The following TMEM8B variants were observed in gnomAD, a reference collection of about 807,000 sequenced individuals.
TMEM8B encodes the protein nasopharyngeal carcinoma expressed 6.
A neutral mutation model predicts 49.3 loss-of-function variants in TMEM8B; 29 were observed. The observed-to-expected ratio is 0.59, with a 90% CI of 0.44 to 0.80. The LOEUF (loss-of-function observed/expected upper bound fraction) is 0.80. Among genes scored for constraint, TMEM8B ranks in the 30% least tolerant of loss-of-function variants. TMEM8B has a pLI of 0.00. For synonymous variants in TMEM8B, 264 were observed against 272.8 expected (o/e 0.97, Z 0.32); for missense variants, 575 against 658.5 (o/e 0.87, Z 1.39).
At position 35,846,524 on chromosome 9, in the gene TMEM8B, C is replaced by T; in HGVS notation, c.1909C>T (p.Pro637Ser). The T allele has an allele frequency of 6.3e-7, 1 of 1,589,452 alleles. No individual in the cohort carries two copies. Among genetic ancestry groups the T allele is most frequent in the Non-Finnish European group, 8.6e-7 (1 of 1,167,924 alleles). ...GGTGCGGATGCGCACCTTCCTGTCC[C>T]CATGCGTGGACGACTGCGGGCCCTA... ...AEVRMRTFLS[P>S]CVDDCGPYGQ... The change falls in exon 9 of 13, where the codon CCA becomes TCA. Residue 637 changes from proline to serine, a missense_variant. By Grantham distance (74) the Pro-to-Ser change is moderately conservative (BLOSUM62 -1). Coordinates refer to ENST00000643932, the MANE Select transcript of TMEM8B (RefSeq NM_001042590.4).
chr9:35,849,090 T>C (rs540260347), intron 10 of TMEM8B, among the ~76,000 whole-genome samples: 1 of 152,180 alleles, frequency 6.6e-6, no homozygotes, highest in African/African-American at 2.4e-5. Context: ...TAAAACTATG[T>C]TTTCTGTTTT....
chr9:35,853,238 G>T lies in TMEM8B; in HGVS notation c.2420G>T (p.Gly807Val), dbSNP rs753639658. Residue 807 changes from glycine to valine, a missense_variant, in exon 12 of 13, where the codon GGG (glycine) becomes GTG (valine). Transcript: ENST00000643932. The surrounding 1 kb of genome is among the most constrained non-coding windows in gnomAD (Gnocchi z 4.2). ...CTTGGACCCAGTCTCTTCGCCCTGGGGATCTTGGCCACAGCCTGGGTAAGG... is the reference window on the plus strand; with the variant it reads ...CTTGGACCCAGTCTCTTCGCCCTGGTGATCTTGGCCACAGCCTGGGTAAGG... Reference protein sequence around the residue: ...NLLGPSLFALGILATAWTVRS... With the variant: ...NLLGPSLFALVILATAWTVRS... The T allele has an allele frequency of 2.5e-6, 4 of 1,614,080 alleles. No homozygotes were observed. Among genetic ancestry groups the T allele is most frequent in the Non-Finnish European group, 3.4e-6 (4 of 1,179,960 alleles).
rs1832295860 is a variant in TMEM8B, at chr9:35,853,051, A to G, written c.2322+78A>G. ...CCACTCCTGACCTCTCCCTGGGGGC[A>G]TTTCCAAGTGCCTCTCATGATTCTG... is the stretch of plus-strand genomic sequence containing the variant. On this transcript the variant is annotated intron_variant, in intron 11 of 12. Coordinates refer to ENST00000643932, the MANE Select transcript of TMEM8B (RefSeq NM_001042590.4). The surrounding 1 kb of genome is among the most constrained non-coding windows in gnomAD (Gnocchi z 4.2). The G allele has an allele frequency of 2.7e-5, 43 of 1,609,642 alleles. No homozygotes were observed. Among genetic ancestry groups the G allele is most frequent in the Non-Finnish European group, 3.5e-5 (41 of 1,176,682 alleles).
At chr9:35,846,214 C>G (rs189867687) in intron 7 of TMEM8B, 44 bp from the exon 8 acceptor site, 58 of 1,611,806 alleles carry the variant, frequency 3.6e-5, no homozygotes, top group Admixed American at 2.0e-4. Context: ...TTCTTGGGTT[C>G]TGACCCCTCC....
Position 35,853,358 on chromosome 9 carries a change from C to A in TMEM8B, c.2439+101C>A. ...TTTAAGGTGGGCTTGGCTCTGTCGTCATCACCTGCTGCTGGCAGTGTCCGC... is the reference window on the plus strand; with the variant it reads ...TTTAAGGTGGGCTTGGCTCTGTCGTAATCACCTGCTGCTGGCAGTGTCCGC... On this transcript the variant is annotated intron_variant, in intron 12 of 12. Transcript: ENST00000643932. The surrounding 1 kb of genome is among the most constrained non-coding windows in gnomAD (Gnocchi z 4.2). The A allele has an allele frequency of 6.9e-7, 1 of 1,445,800 alleles. No homozygotes were observed. Among genetic ancestry groups the A allele is most frequent in the African/African-American group, 1.4e-5 (1 of 71,498 alleles). 89.6% of individuals were successfully genotyped at this position (1,445,800 alleles called of 1,614,324 possible).
chr9:35,851,084 G>A (rs903412450), intron 10 of TMEM8B, among the ~76,000 whole-genome samples: 1 of 152,138 alleles, frequency 6.6e-6, no homozygotes, highest in African/African-American at 2.4e-5. Context: ...TCTCTTAGGT[G>A]TATTCAAACA....
Position 35,835,084 on chromosome 9 carries a change from G to A in TMEM8B, c.772G>A (p.Gly258Arg), listed in dbSNP as rs1363640715. The change falls in exon 3 of 13, where the codon GGG becomes AGG. Residue 258 changes from glycine to arginine, a missense_variant. By Grantham distance (125) the Gly-to-Arg change is moderately radical (BLOSUM62 -2). Coordinates refer to ENST00000643932, the MANE Select transcript of TMEM8B (RefSeq NM_001042590.4). Reference protein sequence around the residue: ...THFPGDTAVPGVFSLTLSWTL... With the variant: ...THFPGDTAVPRVFSLTLSWTL... ...CTTCCCAGGGGACACAGCTGTGCCT[G>A]GGGTTTTCTCACTGACCCTCAGCTG... 2.4e-6 allele frequency: 1 copy of A among 415,640 alleles called. No individual in the cohort carries two copies. Among genetic ancestry groups the A allele is most frequent in the Non-Finnish European group, 4.4e-6 (1 of 226,420 alleles). 25.7% of individuals were successfully genotyped at this position (415,640 alleles called of 1,614,324 possible). A position where few individuals can be genotyped will look rare whatever the true frequency, so the allele number is the denominator to read the frequency against.
In TMEM8B at chr9:35,853,900, G is replaced by A. The variant is rs1832389174; in HGVS notation, c.*60G>A. On this transcript the variant is annotated 3_prime_UTR_variant, in exon 13 of 13. Coordinates refer to ENST00000643932, the MANE Select transcript of TMEM8B (RefSeq NM_001042590.4). This position sits in a 1 kb window ranked among gnomAD's most constrained non-coding sequence, Gnocchi z 4.2. ...ATGCTTCCTAGAGTTCTTTCTGGGG[G>A]TGTGGAGCCCTCTTAGAAGGAGACA... 1.3e-6 allele frequency: 2 copies of A among 1,485,850 alleles called. No homozygotes were observed. The highest frequency in any genetic ancestry group is 1.8e-6 in the Non-Finnish European group (2 of 1,123,992). The allele number at this position is 1,485,850 out of a possible 1,614,324, so 92.0% of individuals were successfully genotyped here. A position where few individuals can be genotyped will look rare whatever the true frequency, so the allele number is the denominator to read the frequency against.
At chr9:35,839,539 G>A (rs1830764620) in intron 3 of TMEM8B, among the ~76,000 whole-genome samples, 1 of 152,236 alleles carries the variant, frequency 6.6e-6, no homozygotes, top group Non-Finnish European at 1.5e-5. Context: ...TTGAAGGAAG[G>A]AGCACGTCTT....
chr9:35,835,241 C>T lies in TMEM8B; in HGVS notation c.906+23C>T, dbSNP rs554894300. 13 of 415,258 alleles carry T rather than the reference C, an allele frequency of 3.1e-5. No individual in the cohort carries two copies. The South Asian group carries it at 3.8e-4, about 12-fold the overall frequency. 25.7% of individuals were successfully genotyped at this position (415,258 alleles called of 1,614,324 possible). A position where few individuals can be genotyped will look rare whatever the true frequency, so the allele number is the denominator to read the frequency against. On this transcript the variant is annotated intron_variant, in intron 3 of 12. Transcript: ENST00000643932. ...AAGGTGGGTTGATGTTGCCCAGGCT[C>T]GGGGGTCCAGAACTGCCCTTCCATC...
intron 10 of TMEM8B, among the ~76,000 whole-genome samples, chr9:35,850,143 A>G (rs1008959161): frequency 3.9e-5 from 6 of 152,234 alleles, no homozygotes; most frequent in Admixed American, 6.5e-5. Context: ...TTATATTCCA[A>G]TCTGGGCATG....
Position 35,846,328 on chromosome 9 carries a change from G to T in TMEM8B, c.1800G>T (p.Pro600=). Residue 600 remains proline (P), a synonymous_variant, in exon 8 of 13, where the codon CCG becomes CCT. Coordinates refer to ENST00000643932, the MANE Select transcript of TMEM8B (RefSeq NM_001042590.4). ...TTGCCAGGCTGCGAATCCCATTCCC[G>T]CAGACGGGGACCTGGTTCCTGGCCC... ...TRVARLRIPF[P]QTGTWFLALR... 3 of 1,614,134 alleles carry T rather than the reference G, an allele frequency of 1.9e-6. No individual in the cohort carries two copies. Among genetic ancestry groups the T allele is most frequent in the Non-Finnish European group, 1.7e-6 (2 of 1,180,044 alleles).
chr9:35,829,310 T>G lies in TMEM8B; in HGVS notation c.-138T>G. The G allele has an allele frequency of 2.7e-6, 1 of 366,822 alleles. No individual in the cohort carries two copies. Among genetic ancestry groups the G allele is most frequent in the Non-Finnish European group, 4.9e-6 (1 of 205,372 alleles). 22.7% of individuals were successfully genotyped at this position (366,822 alleles called of 1,614,324 possible). On this transcript the variant is annotated 5_prime_UTR_variant, in exon 1 of 13. Transcript: ENST00000643932. The stretch of plus-strand genomic sequence containing the variant: ...AGCCCGGAGTCGCCCAGGCCTGAAC[T>G]CCTACCCAGGTCCCCGGCCCCCGCC...
intron 6 of TMEM8B, chr9:35,845,572 GGGTCCA>G: frequency 3.0e-6 from 3 of 985,372 alleles, no homozygotes; most frequent in Non-Finnish European, 3.6e-6. Flanking sequence ...ACCTGTCTTG[GGGTCCA>G]GGTGAAGATG....
Position 35,829,607 on chromosome 9 carries a change from C to T in TMEM8B, c.160C>T (p.Pro54Ser). The change falls in exon 1 of 13, where the codon CCT (proline) becomes TCT (serine). Residue 54 changes from proline to serine, a missense_variant. By Grantham distance (74) the Pro-to-Ser change is moderately conservative. Coordinates refer to ENST00000643932, the MANE Select transcript of TMEM8B (RefSeq NM_001042590.4). The stretch of plus-strand genomic sequence containing the variant: ...GCCCCTGGCCTGGCCCCCATCCCGG[C>T]CTCGGCCCTCGTTCCACCCCCTGTC... ...SLPLAWPPSR[P>S]RPSFHPLSQI... The T allele has an allele frequency of 2.5e-6, 1 of 399,826 alleles. No individual in the cohort carries two copies. The allele number at this position is 399,826 out of a possible 1,614,324, so 24.8% of individuals were successfully genotyped here.
intron 3 of TMEM8B, among the ~76,000 whole-genome samples, chr9:35,839,878 G>A (rs1291894924): frequency 6.6e-6 from 1 of 152,244 alleles, no homozygotes; most frequent in Non-Finnish European, 1.5e-5. Flanking sequence ...AGCACCTAGT[G>A]TGTGCCAGGT....
intron 1 of TMEM8B, among the ~76,000 whole-genome samples, chr9:35,831,712 C>T (rs1199464207): frequency 6.6e-6 from 1 of 152,258 alleles, no homozygotes; most frequent in African/African-American, 2.4e-5. Context: ...AGAGCATATA[C>T]AGCTGAAAGT....
chr9:35,831,673 GT>G (rs1564015451), intron 1 of TMEM8B, among the ~76,000 whole-genome samples: 1 of 152,226 alleles, frequency 6.6e-6, no homozygotes, highest in Non-Finnish European at 1.5e-5. Context: ...CATTGGGCTG[GT>G]GAGGGGAGCA....
In TMEM8B at chr9:35,861,380, T is replaced by A. The variant is rs1391769850; in HGVS notation, c.*7540T>A. ...CCCATTCTCCAGAGCCCAGCACTGCTCCATCTCTTTTCCTCCCTCTCCTTC... is the reference window on the plus strand; with the variant it reads ...CCCATTCTCCAGAGCCCAGCACTGCACCATCTCTTTTCCTCCCTCTCCTTC... On this transcript the variant is annotated 3_prime_UTR_variant, in exon 13 of 13. Transcript: ENST00000643932. 6.5e-6 allele frequency: 1 copy of A among 152,912 alleles called. No homozygotes were observed. The highest frequency in any genetic ancestry group is 1.9e-4 in the East Asian group (1 of 5,198). The allele number at this position is 152,912 out of a possible 1,614,324, so 9.5% of individuals were successfully genotyped here. A position where few individuals can be genotyped will look rare whatever the true frequency, so the allele number is the denominator to read the frequency against.
Sources: gnomAD v4.1 joint callset for allele counts (sites outside exome capture counted in the v4.1 genomes callset) on GRCh38, gnomAD v4.1.1 for gene constraint, Gnocchi (gnomAD v3.1) non-coding constraint, MANE v1.5 for transcripts, NCBI Gene and HGNC (gene_info 2026-07-23, HGNC 2026-07-21) for gene names.